WDR49: variants seen among roughly 807,000 people sequenced by gnomAD.
WDR49 encodes the protein WD repeat domain 49, also known as cilia- and flagella-associated protein 337.
A neutral mutation model predicts 119.5 loss-of-function variants in WDR49; 107 were observed. The ratio of observed to expected loss-of-function variants is 0.90; its 90% CI spans 0.77 to 1.05. The LOEUF is 1.05. WDR49 is among the 50% of genes least tolerant of loss of function. The probability of loss-of-function intolerance (pLI) is 0.00; values close to 1 mark genes in which losing one functional copy is unlikely to be tolerated. For synonymous variants in WDR49, 425 were observed against 418.8 expected (o/e 1.01, Z -0.18); for missense variants, 1,240 against 1,220.5 (o/e 1.02, Z -0.24).
intron 8 of WDR49, among the ~76,000 whole-genome samples, chr3:167,568,606 T>A (rs73878755): frequency 0.052 from 7,986 of 152,296 alleles, 225 homozygotes; most frequent in Middle Eastern, 0.1. Context: ...GCTGCAGACC[T>A]CAACCTATGG....
intron 9 of WDR49, among the ~76,000 whole-genome samples, chr3:167,555,325 A>C (rs1712861474): frequency 6.6e-6 from 1 of 152,178 alleles, no homozygotes; most frequent in South Asian, 2.1e-4. Context: ...CCCACAATGG[A>C]AGGGCTGAGT....
chr3:167,587,910 G>A (rs1376572417), intron 7 of WDR49, among the ~76,000 whole-genome samples: 3 of 152,120 alleles, frequency 2.0e-5, no homozygotes, highest in African/African-American at 7.2e-5. Flanking sequence ...AGGGTAAATG[G>A]AGTAGCTATC....
chr3:167,591,285 A>C lies in WDR49; in HGVS notation c.1275+10842T>G, dbSNP rs184347306. Among the ~76,000 whole-genome samples the C allele has an allele frequency of 3.8e-4, 58 of 152,190 alleles. No homozygotes were observed. In the East Asian group the frequency reaches 8.9e-3, roughly 23 times the overall value. The stretch of plus-strand genomic sequence containing the variant: ...TTAGAGAAGATGCTTGATATTATTT[A>C]AATTTTTTGAATGTTTTAAGACTTG... On this transcript the variant is annotated intron_variant, in intron 7 of 18. Coordinates refer to ENST00000682715, the MANE Select transcript of WDR49 (RefSeq NM_001366157.1).
At chr3:167,599,338 C>T (rs1715647683) in intron 7 of WDR49, among the ~76,000 whole-genome samples, 1 of 152,184 alleles carries the variant, frequency 6.6e-6, no homozygotes, top group African/African-American at 2.4e-5. Context: ...TTTTCACAGG[C>T]AGAGGAGCCT....
intron 5 of WDR49, among the ~76,000 whole-genome samples, chr3:167,613,340 T>C (rs563424515): frequency 6.6e-6 from 1 of 152,222 alleles, no homozygotes; most frequent in African/African-American, 2.4e-5. Context: ...ATGTCCATGA[T>C]ACAAATGAAT....
At chr3:167,514,269 C>T (rs760873560) in intron 16 of WDR49, among the ~76,000 whole-genome samples, 21 of 152,198 alleles carry the variant, frequency 1.4e-4, no homozygotes, top group Admixed American at 2.6e-4. Flanking sequence ...CAGACCACAG[C>T]GCAATTTAAT....
chr3:167,604,514 CA>C, intron 5 of WDR49, 46 bp from the exon 6 acceptor site: 1 of 1,501,008 alleles, frequency 6.7e-7, no homozygotes, highest in Non-Finnish European at 8.9e-7. Context: ...GTTGATTCTT[CA>C]CAAGATATTA....
rs183684622 is a variant in WDR49, at chr3:167,532,492, A to G, written c.2053+387T>C. On this transcript the variant is annotated intron_variant, in intron 12 of 18. Transcript: ENST00000682715. The stretch of plus-strand genomic sequence containing the variant: ...GCATAATATTTATTACAAGCTCTAG[A>G]TTGAGTCTGAACAGCCTATCGAGTG... 7.2e-5 allele frequency among the ~76,000 whole-genome samples: 11 copies of G among 152,272 alleles called. 1 individual carries two copies. The highest frequency in any genetic ancestry group is 3.4e-3 in the Middle Eastern group (1 of 294).
At chr3:167,520,666 A>G (rs1752402898) in intron 16 of WDR49, among the ~76,000 whole-genome samples, 1 of 152,170 alleles carries the variant, frequency 6.6e-6, no homozygotes, top group Non-Finnish European at 1.5e-5. Context: ...TCTTCTATCT[A>G]TGTGTCAGCG....
At chr3:167,628,047 G>A (rs1469369076) in intron 2 of WDR49, among the ~76,000 whole-genome samples, 1 of 151,926 alleles carries the variant, frequency 6.6e-6, no homozygotes, top group Non-Finnish European at 1.5e-5. Flanking sequence ...TGTTACTACT[G>A]TAATTGTTTT....
chr3:167,535,244 T>A (rs1260754265), intron 11 of WDR49, among the ~76,000 whole-genome samples: 1 of 152,112 alleles, frequency 6.6e-6, no homozygotes, highest in Non-Finnish European at 1.5e-5. Context: ...GAAGAGCAAG[T>A]GCTGCTTCTT....
chr3:167,487,534 C>T (rs887176276), intron 18 of WDR49, among the ~76,000 whole-genome samples: 1 of 151,926 alleles, frequency 6.6e-6, no homozygotes, highest in South Asian at 2.1e-4. Context: ...TAAATGGAAC[C>T]TAATTAAATA....
intron 2 of WDR49, among the ~76,000 whole-genome samples, chr3:167,634,259 A>G (rs1415805087): frequency 1.3e-5 from 2 of 152,094 alleles, no homozygotes; most frequent in East Asian, 3.9e-4. Context: ...GGTGAAAATT[A>G]TATGAGCCAT....
intron 16 of WDR49, among the ~76,000 whole-genome samples, chr3:167,511,705 C>T (rs1751981680): frequency 6.6e-6 from 1 of 152,204 alleles, no homozygotes; most frequent in Non-Finnish European, 1.5e-5. Flanking sequence ...CTGCCTAAGA[C>T]AACCAAGTAC....
At chr3:167,589,521 T>G (rs1714998439) in intron 7 of WDR49, among the ~76,000 whole-genome samples, 1 of 152,170 alleles carries the variant, frequency 6.6e-6, no homozygotes, top group African/African-American at 2.4e-5. Flanking sequence ...TGTATATTGC[T>G]TTTGGTAATA....
At chr3:167,620,945 T>A (rs1716835604) in intron 4 of WDR49, among the ~76,000 whole-genome samples, 1 of 152,114 alleles carries the variant, frequency 6.6e-6, no homozygotes, top group South Asian at 2.1e-4. Flanking sequence ...TTTTTCATAG[T>A]TCGGGTGAAA....
chr3:167,566,894 G>C (rs1259937562), intron 8 of WDR49: 4 of 676,500 alleles, frequency 5.9e-6, no homozygotes, highest in Non-Finnish European at 8.1e-6. Context: ...CATTGAGAAG[G>C]CTGAGGAGGA....
intron 16 of WDR49, among the ~76,000 whole-genome samples, chr3:167,514,708 G>T (rs1752130376): frequency 6.7e-6 from 1 of 149,380 alleles, no homozygotes; most frequent in Admixed American, 6.7e-5. Context: ...CTGGCTTTTT[G>T]AAAAAAATTA....
At chr3:167,567,682 A>AC (rs539301200) in intron 8 of WDR49, among the ~76,000 whole-genome samples, 3 of 151,770 alleles carry the variant, frequency 2.0e-5, no homozygotes, top group East Asian at 1.9e-4. Context: ...GGCCCTCATG[A>AC]CCCCCCTTGT....
Sources: gnomAD v4.1 joint callset for allele counts (sites outside exome capture counted in the v4.1 genomes callset) on GRCh38, gnomAD v4.1.1 for gene constraint, MANE v1.5 for transcripts, NCBI Gene and HGNC (gene_info 2026-07-23, HGNC 2026-07-21) for gene names.